PSMD12: variants seen among roughly 807,000 people sequenced by gnomAD.
The protein encoded by PSMD12 is 26S proteasome non-ATPase regulatory subunit 12.
A neutral mutation model predicts 62.9 loss-of-function variants in PSMD12; 8 were observed. The observed-to-expected ratio is 0.13, with a 90% CI of 0.07 to 0.23. PSMD12 has a LOEUF of 0.23. Ranked by LOEUF, PSMD12 falls within the 10% of genes least tolerant of loss-of-function variation. The probability of loss-of-function intolerance (pLI) is 1.00; values close to 1 mark genes in which losing one functional copy is unlikely to be tolerated. For synonymous variants in PSMD12, 173 were observed against 187.4 expected, an observed-to-expected ratio of 0.92 and a Z score of 0.63; for missense variants, 424 against 550.2, an observed-to-expected ratio of 0.77 and a Z score of 2.29.
chr17:67,354,764 T>C (rs1422345306), intron 3 of PSMD12, among the ~76,000 whole-genome samples: 3 of 151,578 alleles, frequency 2.0e-5, no homozygotes, highest in African/African-American at 4.9e-5. Context: ...CTGAGGTGGG[T>C]GGATCACTTG....
intron 1 of PSMD12, among the ~76,000 whole-genome samples, chr17:67,362,535 G>A (rs897735115): frequency 2.0e-5 from 3 of 150,524 alleles, no homozygotes; most frequent in African/African-American, 7.3e-5. Context: ...GGTAGTGCAC[G>A]CCTGTAGTCC....
intron 10 of PSMD12, among the ~76,000 whole-genome samples, chr17:67,341,391 C>T (rs762755541): frequency 4.1e-5 from 6 of 145,190 alleles, no homozygotes; most frequent in Non-Finnish European, 6.0e-5. Flanking sequence ...ATCGCCTGAA[C>T]CCTGGGAGGT....
At chr17:67,345,617 G>T in intron 8 of PSMD12, 128 bp downstream of exon 8, 1 of 730,710 alleles carries the variant, frequency 1.4e-6, no homozygotes, top group Non-Finnish European at 2.3e-6. Context: ...ACTCCAGTGT[G>T]GGCAACAATA....
chr17:67,345,778 C>A lies in PSMD12; in HGVS notation c.875G>T (p.Gly292Val), dbSNP rs1204930902. The A allele has an allele frequency of 1.2e-6, 2 of 1,612,672 alleles. No individual in the cohort carries two copies. The highest frequency in any genetic ancestry group is 1.7e-6 in the Non-Finnish European group (2 of 1,179,076). Residue 292 changes from glycine (G) to valine (V), a missense_variant, in exon 8 of 11, where the codon GGT (glycine) becomes GTT (valine). Gly to Val is a moderately radical substitution (Grantham distance 109). Transcript: ENST00000356126. ...GGGAATTTCTTCTAACTTCTTGTCA[C>A]CACTTATTCGGTGAACCAAATCTGA... Reference protein sequence around the residue: ...EQSDLVHRISGDKKLEEIPKY... With the variant: ...EQSDLVHRISVDKKLEEIPKY...
intron 2 of PSMD12, 42 bp downstream of exon 2, chr17:67,357,477 T>C (rs1283731189): frequency 2.5e-6 from 4 of 1,612,292 alleles, no homozygotes; most frequent in East Asian, 2.2e-5. Context: ...GAATGTTCAA[T>C]GAAATTAATG....
intron 1 of PSMD12, 76 bp from the exon 2 acceptor site, chr17:67,357,654 GAC>G: frequency 6.8e-7 from 1 of 1,460,278 alleles, no homozygotes; most frequent in East Asian, 2.3e-5. Context: ...AAATGGTTTT[GAC>G]ACAGAAAAGG....
At chr17:67,344,870 C>T in intron 8 of PSMD12, 90 bp from the exon 9 acceptor site, 1 of 1,109,594 alleles carries the variant, frequency 9.0e-7, no homozygotes, top group Non-Finnish European at 1.2e-6. Context: ...TCAGCAAAGA[C>T]TGTTTTCGTT....
Position 67,340,749 on chromosome 17 carries a change from G to T in PSMD12, c.*94C>A. On this transcript the variant is annotated 3_prime_UTR_variant, in exon 11 of 11. Transcript: ENST00000356126. ...TCACTATTTTAAAATTTAAGACAAA[G>T]AAGCTTAGAAAAAAAACCCCAACAT... 1.0e-6 allele frequency: 1 copy of T among 959,666 alleles called. No homozygotes were observed. Among genetic ancestry groups the T allele is most frequent in the South Asian group, 2.0e-5 (1 of 49,488 alleles). 59.4% of individuals were successfully genotyped at this position (959,666 alleles called of 1,614,324 possible). A position where few individuals can be genotyped will look rare whatever the true frequency, so the allele number is the denominator to read the frequency against.
chr17:67,362,259 A>C (rs2042137534), intron 1 of PSMD12, among the ~76,000 whole-genome samples: 1 of 152,158 alleles, frequency 6.6e-6, no homozygotes, highest in South Asian at 2.1e-4. Flanking sequence ...TTAATTTTTA[A>C]CTCCTGAATA....
chr17:67,361,641 G>A (rs1037909701), intron 1 of PSMD12, among the ~76,000 whole-genome samples: 1 of 151,978 alleles, frequency 6.6e-6, no homozygotes, highest in Non-Finnish European at 1.5e-5. Flanking sequence ...CCCCTACATA[G>A]TCCAACTTTT....
At chr17:67,348,361 T>G (rs1367438342) in intron 5 of PSMD12, among the ~76,000 whole-genome samples, 189 bp downstream of exon 5, 1 of 152,236 alleles carries the variant, frequency 6.6e-6, no homozygotes, top group Non-Finnish European at 1.5e-5. Context: ...AATTTGCATC[T>G]TCTTAATGGC....
intron 1 of PSMD12, among the ~76,000 whole-genome samples, chr17:67,364,886 G>T (rs2042164795): frequency 6.6e-6 from 1 of 152,086 alleles, no homozygotes; most frequent in Non-Finnish European, 1.5e-5. Flanking sequence ...GCAGGTGCTC[G>T]AAAGTTCAGG....
intron 3 of PSMD12, among the ~76,000 whole-genome samples, chr17:67,352,664 T>G (rs2042029235): frequency 6.6e-6 from 1 of 152,224 alleles, no homozygotes; most frequent in Non-Finnish European, 1.5e-5. Context: ...CATGGTCAAC[T>G]GTGGTGTGAA....
intron 1 of PSMD12, among the ~76,000 whole-genome samples, chr17:67,360,109 C>T (rs1174575201): frequency 7.1e-6 from 1 of 141,388 alleles, no homozygotes; most frequent in African/African-American, 2.7e-5. Flanking sequence ...TTAAATCTCA[C>T]CTTTCGCTTT....
chr17:67,366,387 C>T (rs748495874), intron 1 of PSMD12, 25 bp downstream of exon 1: 1 of 1,598,088 alleles, frequency 6.3e-7, no homozygotes, highest in Non-Finnish European at 8.5e-7. Context: ...TGGCGCCCGC[C>T]AACAGCCAGC....
At chr17:67,354,571 C>T (rs960938659) in intron 3 of PSMD12, among the ~76,000 whole-genome samples, 9 of 152,180 alleles carry the variant, frequency 5.9e-5, no homozygotes, top group Admixed American at 2.6e-4. Context: ...CCCAAGACTT[C>T]TAATTAAGGA....
In PSMD12 at chr17:67,345,769, T is replaced by C; in HGVS notation, c.884A>G (p.Lys295Arg). ...CTTGTATTTGGGAATTTCTTCTAAC[T>C]TCTTGTCACCACTTATTCGGTGAAC... is the stretch of plus-strand genomic sequence containing the variant. Reference protein sequence around the residue: ...DLVHRISGDKKLEEIPKYKDL... With the variant: ...DLVHRISGDKRLEEIPKYKDL... Residue 295 changes from lysine to arginine, a missense_variant, in exon 8 of 11, where the codon AAG (lysine) becomes AGG (arginine). Transcript: ENST00000356126. 6.2e-7 allele frequency: 1 copy of C among 1,611,366 alleles called. No homozygotes were observed. The highest frequency in any genetic ancestry group is 1.7e-5 in the Admixed American group (1 of 60,024).
chr17:67,351,828 G>A (rs1283393924), intron 3 of PSMD12, among the ~76,000 whole-genome samples: 4 of 150,662 alleles, frequency 2.7e-5, no homozygotes, highest in African/African-American at 4.9e-5. Context: ...GGCTGGGTAC[G>A]GTGGCTCATG....
At position 67,350,250 on chromosome 17, in the gene PSMD12, T is replaced by C. The variant is rs1224401683; in HGVS notation, c.384A>G (p.Leu128=). The stretch of plus-strand genomic sequence containing the variant: ...TTACCTTGCCTTCGGTAACCATTCG[T>C]AGAGTATCAATTAATCGAAGTTTGA... ...LPIKLRLIDT[L]RMVTEGKIYV... is the part of the protein sequence containing the mutation. Residue 128 remains leucine (L), a synonymous_variant, in exon 4 of 11, where the codon CTA becomes CTG. Coordinates refer to ENST00000356126, the MANE Select transcript of PSMD12 (RefSeq NM_002816.5). The C allele has an allele frequency of 1.2e-6, 2 of 1,611,644 alleles. No individual in the cohort carries two copies. Among genetic ancestry groups the C allele is most frequent in the Admixed American group, 3.4e-5 (2 of 59,672 alleles).
Sources: allele counts gnomAD v4.1 joint callset (sites outside exome capture counted in the v4.1 genomes callset), GRCh38; gene constraint gnomAD v4.1.1; transcripts MANE v1.5; gene names NCBI Gene and HGNC (gene_info 2026-07-23, HGNC 2026-07-21).